The following PIGV variants were observed in gnomAD, a reference collection of about 807,000 sequenced individuals.
PIGV encodes phosphatidylinositol glycan anchor biosynthesis class V.
PIGV carries 27 observed loss-of-function variants against 39.2 expected under a neutral mutation model. The ratio of observed to expected loss-of-function variants is 0.69; its 90% CI spans 0.51 to 0.95. PIGV has a LOEUF of 0.95. PIGV is among the 40% of genes least tolerant of loss of function. The pLI, the probability that PIGV is intolerant of heterozygous loss-of-function variation, is 0.00. For synonymous variants in PIGV, 232 were observed against 241.7 expected, an observed-to-expected ratio of 0.96 and a Z score of 0.37; for missense variants, 523 against 586.4, an observed-to-expected ratio of 0.89 and a Z score of 1.12.
intron 2 of PIGV, among the ~76,000 whole-genome samples, chr1:26,792,668 C>T (rs981025357): frequency 6.6e-6 from 1 of 152,164 alleles, no homozygotes; most frequent in African/African-American, 2.4e-5. Context: ...TAATTATCAT[C>T]CCCCCACTTC....
At chr1:26,792,359 C>G (rs1438061738) in intron 2 of PIGV, among the ~76,000 whole-genome samples, 1 of 148,172 alleles carries the variant, frequency 6.7e-6, no homozygotes, top group African/African-American at 2.5e-5. Context: ...CTCGCTCTGT[C>G]GCCCAGGCCG....
chr1:26,794,442 C>T lies in PIGV; in HGVS notation c.408C>T (p.Asp136=), dbSNP rs368460567. 3 of 1,614,092 alleles carry T rather than the reference C, an allele frequency of 1.9e-6. No homozygotes were observed. Among genetic ancestry groups the T allele is most frequent in the African/African-American group, 2.7e-5 (2 of 74,934 alleles). Residue 136 remains aspartate, a synonymous_variant, in exon 3 of 4, where the codon GAC becomes GAT. Coordinates refer to ENST00000674202, the MANE Select transcript of PIGV (RefSeq NM_017837.4). ...FFMLAAVALH[D]LGCLVLHCPH... is the part of the protein sequence containing the mutation. ...TGTTGGCTGCAGTTGCACTTCATGA[C>T]CTGGGTTGTCTGGTTTTGCACTGTC...
chr1:26,793,309 T>G (rs1346089329), intron 2 of PIGV, among the ~76,000 whole-genome samples: 1 of 152,248 alleles, frequency 6.6e-6, no homozygotes, highest in Non-Finnish European at 1.5e-5. Context: ...TCCCATTCTC[T>G]GTTGAACCCA....
chr1:26,797,922 C>T lies in PIGV; in HGVS notation c.*78C>T. On this transcript the variant is annotated 3_prime_UTR_variant, in exon 4 of 4. Coordinates refer to ENST00000674202, the MANE Select transcript of PIGV (RefSeq NM_017837.4). ...GTAAAAATACACATTGGAACTGCCTCTGCTGCCCTGGGATCATTACTGTGT... is the reference window on the plus strand; with the variant it reads ...GTAAAAATACACATTGGAACTGCCTTTGCTGCCCTGGGATCATTACTGTGT... 1 of 1,183,826 alleles carries T rather than the reference C, an allele frequency of 8.4e-7. No homozygotes were observed. Among genetic ancestry groups the T allele is most frequent in the Non-Finnish European group, 1.3e-6 (1 of 790,778 alleles). 73.3% of individuals were successfully genotyped at this position (1,183,826 alleles called of 1,614,324 possible).
In PIGV at chr1:26,794,094, G is replaced by C; in HGVS notation, c.79-19G>C. 1 of 1,613,630 alleles carries C rather than the reference G, an allele frequency of 6.2e-7. No homozygotes were observed. The stretch of plus-strand genomic sequence containing the variant: ...TTCCAGTTACTCAACCAAAATTCTG[G>C]TTTTTCTTTACTCCACAGGCCCTCT... On this transcript the variant is annotated intron_variant, in intron 2 of 3. Coordinates refer to ENST00000674202, the MANE Select transcript of PIGV (RefSeq NM_017837.4).
intron 3 of PIGV, among the ~76,000 whole-genome samples, chr1:26,795,846 CTTTATTTATTTA>C (rs533475586): frequency 3.4e-5 from 5 of 148,554 alleles, no homozygotes; most frequent in Non-Finnish European, 7.4e-5. Context: ...TTTTATTTTA[CTTTATTTATTTA>C]TTTATTTATT....
intron 3 of PIGV, 54 bp downstream of exon 3, chr1:26,795,288 G>A (rs2081366901): frequency 6.2e-7 from 1 of 1,603,692 alleles, no homozygotes; most frequent in Non-Finnish European, 8.5e-7. Flanking sequence ...AAACCCCTTG[G>A]CCAAGGACAG....
chr1:26,794,223 G>A lies in PIGV; in HGVS notation c.189G>A (p.Leu63=). ...DQLVEGLLGG[L]SHWDAEHFLF... ...TCGTGGAAGGTCTTCTGGGCGGCCT[G>A]TCTCACTGGGATGCTGAACACTTCT... is the stretch of plus-strand genomic sequence containing the variant. Residue 63 remains leucine, a synonymous_variant, in exon 3 of 4, where the codon CTG becomes CTA. Coordinates refer to ENST00000674202, the MANE Select transcript of PIGV (RefSeq NM_017837.4). 5 of 1,614,236 alleles carry A rather than the reference G, an allele frequency of 3.1e-6. No individual in the cohort carries two copies. Among genetic ancestry groups the A allele is most frequent in the Non-Finnish European group, 4.2e-6 (5 of 1,180,054 alleles).
Position 26,799,120 on chromosome 1 carries a change from C to G in PIGV, c.*1276C>G, listed in dbSNP as rs965940251. ...TCAGCAATTAGAAGAAACTCCTCCT[C>G]CACCGAGTGCAACTCTTGGGAGTAA... On this transcript the variant is annotated 3_prime_UTR_variant, in exon 4 of 4. Coordinates refer to ENST00000674202, the MANE Select transcript of PIGV (RefSeq NM_017837.4). Among the ~76,000 whole-genome samples, 4 of 152,220 alleles carry G rather than the reference C, an allele frequency of 2.6e-5. No homozygotes were observed. Among genetic ancestry groups the G allele is most frequent in the African/African-American group, 9.6e-5 (4 of 41,452 alleles).
At chr1:26,793,184 AC>A (rs1488955042) in intron 2 of PIGV, among the ~76,000 whole-genome samples, 5 of 152,236 alleles carry the variant, frequency 3.3e-5, no homozygotes, top group Admixed American at 6.5e-5. Flanking sequence ...CCACTAGCAT[AC>A]AAACCTTTAC....
intron 2 of PIGV, 108 bp from the exon 3 acceptor site, chr1:26,794,005 A>G (rs2081346143): frequency 9.4e-7 from 1 of 1,060,968 alleles, no homozygotes; most frequent in African/African-American, 1.6e-5. Context: ...TCAGCCTGCC[A>G]AAGTGGGGAT....
chr1:26,797,934 G>A lies in PIGV; in HGVS notation c.*90G>A. The A allele has an allele frequency of 3.8e-6, 4 of 1,051,266 alleles. No individual in the cohort carries two copies. Among genetic ancestry groups the A allele is most frequent in the Non-Finnish European group, 4.5e-6 (3 of 673,016 alleles). 65.1% of individuals were successfully genotyped at this position (1,051,266 alleles called of 1,614,324 possible). ...ATTGGAACTGCCTCTGCTGCCCTGGGATCATTACTGTGTCCATTATAATCT... is the reference window on the plus strand; with the variant it reads ...ATTGGAACTGCCTCTGCTGCCCTGGAATCATTACTGTGTCCATTATAATCT... On this transcript the variant is annotated 3_prime_UTR_variant, in exon 4 of 4. Transcript: ENST00000674202.
intron 2 of PIGV, among the ~76,000 whole-genome samples, chr1:26,793,763 C>A (rs988484330): frequency 6.6e-6 from 1 of 152,138 alleles, no homozygotes; most frequent in African/African-American, 2.4e-5. Context: ...CCACCACACC[C>A]AGCTAATTTT....
In PIGV at chr1:26,790,727, G is replaced by A. The variant is rs764973893; in HGVS notation, c.-57-32G>A. The A allele has an allele frequency of 2.7e-4, 273 of 1,027,314 alleles. 1 individual carries two copies. The highest frequency in any genetic ancestry group is 3.7e-4 in the Admixed American group (21 of 57,210). 63.6% of individuals were successfully genotyped at this position (1,027,314 alleles called of 1,614,324 possible). ...TGCTTTCAAGAATTTGCTTTCACTC[G>A]ATGTGTGACATTTTCCTCCTTTGGG... On this transcript the variant is annotated intron_variant, in intron 1 of 3. Coordinates refer to ENST00000674202, the MANE Select transcript of PIGV (RefSeq NM_017837.4).
At position 26,792,489 on chromosome 1, in the gene PIGV, G is replaced by A. The variant is rs977654169; in HGVS notation, c.78+1596G>A. 4.6e-5 allele frequency among the ~76,000 whole-genome samples: 7 copies of A among 152,166 alleles called. No individual in the cohort carries two copies. The East Asian group carries it at 5.8e-4, about 13-fold the overall frequency. ...ACTACAGGCGCCCGCCACCGCGCCC[G>A]GCTAATTTTTTGTATTTTTAGTAGA... On this transcript the variant is annotated intron_variant, in intron 2 of 3. Coordinates refer to ENST00000674202, the MANE Select transcript of PIGV (RefSeq NM_017837.4).
Position 26,794,997 on chromosome 1 carries a change from G to A in PIGV, c.963G>A (p.Glu321=). ...YWNVGFLKYY[E]LKQVPNFLLA... is the part of the protein sequence containing the mutation. The stretch of plus-strand genomic sequence containing the variant: ...ATGTTGGCTTTTTGAAATACTATGA[G>A]CTCAAGCAGGTGCCCAATTTTCTAC... Residue 321 remains glutamate, a synonymous_variant, in exon 3 of 4, where the codon GAG becomes GAA. Transcript: ENST00000674202. The A allele has an allele frequency of 5.6e-6, 9 of 1,614,194 alleles. No individual in the cohort carries two copies. Among genetic ancestry groups the A allele is most frequent in the Non-Finnish European group, 7.6e-6 (9 of 1,180,032 alleles).
rs761068291 is a variant in PIGV at position 26,794,115 on chromosome 1, C to T, written c.81C>T (p.Ala27=). 6.2e-7 allele frequency: 1 copy of T among 1,614,158 alleles called. No individual in the cohort carries two copies. Among genetic ancestry groups the T allele is most frequent in the Non-Finnish European group, 8.5e-7 (1 of 1,180,014 alleles). ...TCTGGTTTTTCTTTACTCCACAGGC[C>T]CTCTTCAATGCCATCATCCCAGATC... ...SCRILTLMLQ[A]LFNAIIPDHH... The change falls in exon 3 of 4, where the codon GCC becomes GCT. Residue 27 remains alanine (A), a splice_region_variant and synonymous_variant. Transcript: ENST00000674202.
In PIGV at chr1:26,794,167, C is replaced by T. The variant is rs752514953; in HGVS notation, c.133C>T (p.Arg45Cys). ...CCATGCAGAAGCCTTCTCTCCTCCT[C>T]GCCTGGCCCCCTCAGGCTTTGTGGA... ...DHHAEAFSPPRLAPSGFVDQL... is the reference protein window; with the variant it reads ...DHHAEAFSPPCLAPSGFVDQL... Residue 45 changes from arginine to cysteine, a missense_variant, in exon 3 of 4, where the codon CGC becomes TGC. Physicochemically the swap from Arg to Cys is radical, Grantham distance 180. Coordinates refer to ENST00000674202, the MANE Select transcript of PIGV (RefSeq NM_017837.4). 1.2e-5 allele frequency: 20 copies of T among 1,614,138 alleles called. No homozygotes were observed. The highest frequency in any genetic ancestry group is 1.2e-4 in the Admixed American group (7 of 60,008).
chr1:26,797,445 TAC>T (rs1466149516), intron 3 of PIGV, 116 bp from the exon 4 acceptor site: 7 of 829,426 alleles, frequency 8.4e-6, no homozygotes, highest in Admixed American at 3.5e-5. Context: ...TCCAGTGTAA[TAC>T]ATTTCTAGTC....
Sources: gnomAD v4.1 joint callset for allele counts (sites outside exome capture counted in the v4.1 genomes callset) on GRCh38, gnomAD v4.1.1 for gene constraint, MANE v1.5 for transcripts, NCBI Gene and HGNC (gene_info 2026-07-23, HGNC 2026-07-21) for gene names.